Variants in CYTIP observed in about 807,000 individuals in gnomAD.
The protein encoded by CYTIP is cytohesin 1 interacting protein.
A neutral mutation model predicts 43.8 loss-of-function variants in CYTIP; 26 were observed. That is an observed-to-expected ratio of 0.59 (90% confidence interval 0.44 to 0.82). The LOEUF (loss-of-function observed/expected upper bound fraction) is 0.82. CYTIP is among the 40% of genes least tolerant of loss of function. The probability of loss-of-function intolerance (pLI) is 0.00; values close to 1 mark genes in which losing one functional copy is unlikely to be tolerated. For missense variants in CYTIP, 426 were observed against 443.1 expected (o/e 0.96, Z 0.35); for synonymous variants, 162 against 162.9 (o/e 0.99, Z 0.04).
At position 157,415,293 on chromosome 2, in the gene CYTIP, A is replaced by G. The variant is rs748067135; in HGVS notation, c.*384T>C. Reference sequence around the variant, plus strand: ...TTTTATAACCCAGCAATTATCCTATAGAAAATAGTCCAGATTATTATATTC... The same window carrying G: ...TTTTATAACCCAGCAATTATCCTATGGAAAATAGTCCAGATTATTATATTC... On this transcript the variant is annotated 3_prime_UTR_variant, in exon 8 of 8. Coordinates refer to ENST00000264192, the MANE Select transcript of CYTIP (RefSeq NM_004288.5). 1.2e-4 allele frequency: 21 copies of G among 168,944 alleles called. No individual in the cohort carries two copies. The highest frequency in any genetic ancestry group is 2.6e-4 in the Non-Finnish European group (20 of 77,268). The allele number at this position is 168,944 out of a possible 1,614,324, so 10.5% of individuals were successfully genotyped here. A position where few individuals can be genotyped will look rare whatever the true frequency, so the allele number is the denominator to read the frequency against.
chr2:157,431,988 G>A (rs1263310425), intron 3 of CYTIP, among the ~76,000 whole-genome samples: 1 of 152,106 alleles, frequency 6.6e-6, no homozygotes. Context: ...AAGGTAGAAG[G>A]GACTTTAAAA....
chr2:157,419,116 A>G (rs1443189019), intron 6 of CYTIP, among the ~76,000 whole-genome samples: 1 of 152,154 alleles, frequency 6.6e-6, no homozygotes, highest in Non-Finnish European at 1.5e-5. Flanking sequence ...CTTCTGCCTC[A>G]GCCTCCCAAG....
chr2:157,433,956 G>A (rs1685753136), intron 3 of CYTIP, among the ~76,000 whole-genome samples: 1 of 152,106 alleles, frequency 6.6e-6, no homozygotes, highest in Admixed American at 6.5e-5. Context: ...AGTCTTTCGA[G>A]TGTCTCTTGA....
chr2:157,443,706 T>G, intron 1 of CYTIP, 141 bp downstream of exon 1: 1 of 876,760 alleles, frequency 1.1e-6, no homozygotes, highest in Non-Finnish European at 1.6e-6. Flanking sequence ...TCCCTGAGCA[T>G]CTCACCTCCT....
intron 3 of CYTIP, among the ~76,000 whole-genome samples, chr2:157,433,229 C>T (rs757849414): frequency 6.6e-6 from 1 of 152,000 alleles, no homozygotes; most frequent in South Asian, 2.1e-4. Context: ...TTCATATGAC[C>T]GGGGAGTAAG....
chr2:157,434,246 A>T, intron 3 of CYTIP, 124 bp downstream of exon 3: 2 of 805,590 alleles, frequency 2.5e-6, no homozygotes, highest in Non-Finnish European at 4.3e-6. Context: ...ACAGCCACAC[A>T]CTGAATAAAA....
rs35681381 is a variant in CYTIP at position 157,442,472 on chromosome 2, CAA to C, written c.174+1373_174+1374del. 3.1e-3 allele frequency among the ~76,000 whole-genome samples: 418 copies of C among 136,136 alleles called. 1 individual carries two copies. Among genetic ancestry groups the C allele is most frequent in the Admixed American group, 3.8e-3 (53 of 13,778 alleles). The allele number at this position is 136,136 out of a possible 152,430, so 89.3% of individuals were successfully genotyped here. A position where few individuals can be genotyped will look rare whatever the true frequency, so the allele number is the denominator to read the frequency against. On this transcript the variant is annotated intron_variant, in intron 1 of 7. Transcript: ENST00000264192. ...TTGAAAAAGTACCCACAGTCTCCAG[CAA>C]AAAAAAAAAAAAAAATCATAGCCTA... is the stretch of plus-strand genomic sequence containing the variant.
chr2:157,427,245 G>A lies in CYTIP; in HGVS notation c.546+106C>T, dbSNP rs552055185. The A allele has an allele frequency of 1.2e-5, 11 of 887,796 alleles. No homozygotes were observed. In the East Asian group the frequency reaches 1.6e-4, roughly 13 times the overall value. The allele number at this position is 887,796 out of a possible 1,614,324, so 55.0% of individuals were successfully genotyped here. ...TAATTCAGCAGTTTAGATTCACCACGACATTTCTTTTTCAAGGGCTATCTC... is the reference window on the plus strand; with the variant it reads ...TAATTCAGCAGTTTAGATTCACCACAACATTTCTTTTTCAAGGGCTATCTC... On this transcript the variant is annotated intron_variant, in intron 6 of 7. Coordinates refer to ENST00000264192, the MANE Select transcript of CYTIP (RefSeq NM_004288.5).
chr2:157,443,438 T>C (rs1210128562), intron 1 of CYTIP, among the ~76,000 whole-genome samples: 1 of 152,196 alleles, frequency 6.6e-6, no homozygotes, highest in Non-Finnish European at 1.5e-5. Flanking sequence ...AAAAAGTATT[T>C]CTTATTTGAT....
chr2:157,428,987 A>G (rs991010953), intron 5 of CYTIP, among the ~76,000 whole-genome samples: 1 of 152,246 alleles, frequency 6.6e-6, no homozygotes, highest in African/African-American at 2.4e-5. Context: ...CCTATCACTT[A>G]CCAGTTATGT....
chr2:157,434,941 T>C (rs1216437069), intron 1 of CYTIP, among the ~76,000 whole-genome samples, 194 bp from the exon 2 acceptor site: 1 of 145,594 alleles, frequency 6.9e-6, no homozygotes, highest in African/African-American at 2.5e-5. Flanking sequence ...TCCTGGGAAA[T>C]TGTTGCATAA....
chr2:157,443,275 G>C (rs1685944514), intron 1 of CYTIP, among the ~76,000 whole-genome samples: 1 of 151,944 alleles, frequency 6.6e-6, no homozygotes, highest in Non-Finnish European at 1.5e-5. Flanking sequence ...GAGGCAAGTG[G>C]CTTGCTCAAG....
Position 157,432,505 on chromosome 2 carries a change from G to A in CYTIP, c.280-1543C>T, listed in dbSNP as rs1685728130. Among the ~76,000 whole-genome samples, 4 of 152,072 alleles carry A rather than the reference G, an allele frequency of 2.6e-5. 1 individual carries two copies. In the South Asian group the frequency reaches 8.3e-4, roughly 32 times the overall value. On this transcript the variant is annotated intron_variant, in intron 3 of 7. Transcript: ENST00000264192. ...TCATTTGTGGATCTTCTATTGGTAA[G>A]GCACATCACTAGGTACATTGCATGT...
chr2:157,443,103 T>A (rs1365268900), intron 1 of CYTIP, among the ~76,000 whole-genome samples: 2 of 152,088 alleles, frequency 1.3e-5, no homozygotes, highest in African/African-American at 2.4e-5. Flanking sequence ...AACTTTGCAA[T>A]AAAAATATTA....
chr2:157,436,713 C>T (rs1439972965), intron 1 of CYTIP, among the ~76,000 whole-genome samples: 1 of 151,740 alleles, frequency 6.6e-6, no homozygotes. Context: ...TACTTTCTGC[C>T]CCAATGCCCA....
intron 5 of CYTIP, 151 bp from the exon 6 acceptor site, chr2:157,427,571 G>A (rs1037053705): frequency 2.3e-5 from 11 of 487,860 alleles, no homozygotes; most frequent in African/African-American, 4.0e-5. Flanking sequence ...ATGGCACTTC[G>A]AGTAGCTGGA....
At chr2:157,437,587 A>T (rs913871297) in intron 1 of CYTIP, among the ~76,000 whole-genome samples, 7 of 151,450 alleles carry the variant, frequency 4.6e-5, no homozygotes, top group African/African-American at 1.5e-4. Flanking sequence ...GTAATCCCAG[A>T]TACTAGGGAA....
chr2:157,436,482 T>C (rs1685808427), intron 1 of CYTIP, among the ~76,000 whole-genome samples: 1 of 152,132 alleles, frequency 6.6e-6, no homozygotes, highest in African/African-American at 2.4e-5. Flanking sequence ...ATTCTTTTTA[T>C]AAAAGTTTCT....
intron 1 of CYTIP, among the ~76,000 whole-genome samples, chr2:157,440,014 C>T (rs546141097): frequency 6.6e-6 from 1 of 152,288 alleles, no homozygotes; most frequent in African/African-American, 2.4e-5. Context: ...ACACTTTAGC[C>T]ACTTCTGGGT....
Sources: gnomAD v4.1 joint callset for allele counts (sites outside exome capture counted in the v4.1 genomes callset) on GRCh38, gnomAD v4.1.1 for gene constraint, MANE v1.5 for transcripts, NCBI Gene and HGNC (gene_info 2026-07-23, HGNC 2026-07-21) for gene names.